Variants in DNAH5 observed in about 807,000 individuals in gnomAD.
DNAH5 encodes the protein dynein axonemal heavy chain 5.
In DNAH5, 372 loss-of-function variants were observed where a neutral mutation model predicts 518.2. The ratio of observed to expected loss-of-function variants is 0.72; its 90% CI spans 0.66 to 0.78. DNAH5 has a LOEUF of 0.78. Among genes scored for constraint, DNAH5 ranks in the 30% least tolerant of loss-of-function variants. The pLI, the probability that DNAH5 is intolerant of heterozygous loss-of-function variation, is 0.00. For synonymous variants in DNAH5, 2,039 were observed against 2,025.9 expected (o/e 1.01, Z -0.17); for missense variants, 5,523 against 5,687.0 (o/e 0.97, Z 0.93).
chr5:13,919,614 T>A, intron 6 of DNAH5, among the ~76,000 whole-genome samples: 1 of 152,358 alleles, frequency 6.6e-6, no homozygotes, highest in East Asian at 1.9e-4. Context: ...GGGGGGTTTT[T>A]AAAGATTTTT....
chr5:13,829,745 A>G (rs1217725350), intron 37 of DNAH5, 41 bp from the exon 38 acceptor site: 1 of 1,538,740 alleles, frequency 6.5e-7, no homozygotes, highest in African/African-American at 1.4e-5. Flanking sequence ...GATGCAATCA[A>G]GCACACATCA....
chr5:13,937,845 T>C (rs931487668), intron 1 of DNAH5, among the ~76,000 whole-genome samples: 1 of 152,154 alleles, frequency 6.6e-6, no homozygotes, highest in African/African-American at 2.4e-5. Flanking sequence ...TGTGTATTCA[T>C]ACAGTAATGT....
chr5:13,717,012 A>T (rs983979483), intron 73 of DNAH5, among the ~76,000 whole-genome samples: 1 of 152,056 alleles, frequency 6.6e-6, no homozygotes, highest in East Asian at 1.9e-4. Flanking sequence ...CTGGACTCCC[A>T]TTTTCATTTT....
chr5:13,924,419 T>C (rs1487662681), intron 3 of DNAH5, among the ~76,000 whole-genome samples: 1 of 152,148 alleles, frequency 6.6e-6, no homozygotes, highest in Non-Finnish European at 1.5e-5. Flanking sequence ...CTCATGCTTG[T>C]AATCCCAGCA....
At chr5:13,952,986 C>T (rs1780529887) in intron 1 of DNAH5, among the ~76,000 whole-genome samples, 1 of 152,204 alleles carries the variant, frequency 6.6e-6, no homozygotes, top group South Asian at 2.1e-4. Context: ...AACGTCATTG[C>T]TACTTAATGC....
At chr5:13,764,258 T>C (rs1240590913) in intron 59 of DNAH5, among the ~76,000 whole-genome samples, 5 of 152,122 alleles carry the variant, frequency 3.3e-5, no homozygotes, top group South Asian at 2.1e-4. Context: ...TATTAAGAAA[T>C]TGGACTACAT....
chr5:13,717,952 T>A (rs1318364551), intron 72 of DNAH5, among the ~76,000 whole-genome samples: 1 of 152,152 alleles, frequency 6.6e-6, no homozygotes, highest in East Asian at 1.9e-4. Context: ...CCTTTGCACC[T>A]GAGTACATGC....
At chr5:13,927,536 C>A (rs962186894) in intron 3 of DNAH5, among the ~76,000 whole-genome samples, 4 of 151,366 alleles carry the variant, frequency 2.6e-5, no homozygotes, top group East Asian at 1.9e-4. Context: ...ATAACAACAA[C>A]AAAAAAAAGA....
chr5:13,898,838 C>T (rs1211209464), intron 15 of DNAH5: 3 of 382,780 alleles, frequency 7.8e-6, no homozygotes, highest in Non-Finnish European at 1.4e-5. Flanking sequence ...TCTGATCTCA[C>T]CTTCTTCATC....
In DNAH5 at chr5:13,979,207, A is replaced by C. The variant is rs565845761; in HGVS notation, c.12+32441T>G. Among the ~76,000 whole-genome samples, 82 of 152,176 alleles carry C rather than the reference A, an allele frequency of 5.4e-4. 1 individual carries two copies. In the South Asian group the frequency reaches 0.014, roughly 26 times the overall value. On this transcript the variant is annotated intron_variant, in intron 1 of 78. Coordinates refer to the DNAH5 transcript ENST00000681290. ...ATATGTACATATACCCAAAGCCTAC[A>C]TGTCCAGCAAGTCCCTCCTCAAACA...
At position 13,891,110 on chromosome 5, in the gene DNAH5, A is replaced by G; in HGVS notation, c.2443T>C (p.Leu815=). ...AAATCATTGACCCTGTCAAGCAGCA[A>G]CTCCAGGTCCTCTTTGGGAAAAAAT... ...NTFAKIKDLE[L]LLDRVNDLIE... Residue 815 remains leucine, a synonymous_variant, in exon 17 of 79, where the codon TTG becomes CTG. Transcript: ENST00000265104. The G allele has an allele frequency of 1.2e-6, 2 of 1,614,070 alleles. No homozygotes were observed. The highest frequency in any genetic ancestry group is 1.7e-6 in the Non-Finnish European group (2 of 1,179,990).
chr5:13,850,131 A>G (rs1272695517), intron 31 of DNAH5, among the ~76,000 whole-genome samples: 1 of 152,070 alleles, frequency 6.6e-6, no homozygotes, highest in Non-Finnish European at 1.5e-5. Context: ...ACTATGTAAC[A>G]TATTTCTACT....
chr5:14,005,878 G>A (rs1258677019), intron 1 of DNAH5, among the ~76,000 whole-genome samples: 1 of 152,210 alleles, frequency 6.6e-6, no homozygotes, highest in Non-Finnish European at 1.5e-5. Flanking sequence ...CTGAGAGCTG[G>A]ACAGGGCTGG....
At chr5:13,808,000 T>A (rs1759911947) in intron 46 of DNAH5, among the ~76,000 whole-genome samples, 1 of 151,160 alleles carries the variant, frequency 6.6e-6, no homozygotes, top group African/African-American at 2.4e-5. Context: ...GAGGCTGAGG[T>A]AGGCAGATCA....
chr5:13,896,014 C>T (rs1312118906), intron 15 of DNAH5, among the ~76,000 whole-genome samples: 1 of 151,818 alleles, frequency 6.6e-6, no homozygotes, highest in Non-Finnish European at 1.5e-5. Flanking sequence ...TGAGTGGAAG[C>T]AGGGAGACAA....
At chr5:13,821,978 T>G (rs1485082661) in intron 40 of DNAH5, among the ~76,000 whole-genome samples, 3 of 152,150 alleles carry the variant, frequency 2.0e-5, no homozygotes, top group African/African-American at 7.2e-5. Context: ...AATTTATTTG[T>G]AGAGACGAGT....
chr5:13,778,584 AAGAAAGAAAGAAAGAG>A (rs1239414484), intron 53 of DNAH5, among the ~76,000 whole-genome samples: 42 of 74,084 alleles, frequency 5.7e-4, no homozygotes, highest in African/African-American at 1.4e-3. Flanking sequence ...GAAAGAAAGA[AAGAAAGAAAGAAAGAG>A]AGAGAGAAAG....
rs1754239719 is a variant in DNAH5 at position 13,777,289 on chromosome 5, G to A, written c.9018C>T (p.Gly3006=). 2.5e-6 allele frequency: 4 copies of A among 1,613,240 alleles called. No individual in the cohort carries two copies. In the East Asian group the frequency reaches 8.9e-5, roughly 36 times the overall value. The change falls in exon 54 of 79, where the codon GGC becomes GGT. Residue 3006 remains glycine, a synonymous_variant. Transcript: ENST00000265104. ...KVLYRTAGQQ[G]KGITFIFTDN... is the part of the protein sequence containing the mutation. ...CTGTGAAAATAAAAGTGATTCCTTT[G>A]CCTTGCTGACCAGCTGTTCGATACA...
chr5:14,011,405 A>G (rs1211436751), intron 1 of DNAH5, among the ~76,000 whole-genome samples: 5 of 152,168 alleles, frequency 3.3e-5, no homozygotes, highest in African/African-American at 1.2e-4. Flanking sequence ...GGTAGGCGTG[A>G]TTGACAACTA....
Sources: gnomAD v4.1 joint callset for allele counts (sites outside exome capture counted in the v4.1 genomes callset) on GRCh38, gnomAD v4.1.1 for gene constraint, MANE v1.5 for transcripts, NCBI Gene and HGNC (gene_info 2026-07-23, HGNC 2026-07-21) for gene names.